RFC5: variants seen among roughly 807,000 people sequenced by gnomAD.
RFC5 encodes A1 36 kDa subunit.
Under a neutral mutation model 44.3 loss-of-function variants are expected in RFC5, and 26 were observed. The observed-to-expected ratio is 0.59, with a 90% CI of 0.43 to 0.81. The LOEUF is 0.81. RFC5 is among the 40% of genes least tolerant of loss of function. The pLI is 0.00. For synonymous variants in RFC5, 155 were observed against 155.2 expected, an observed-to-expected ratio of 1.00 and a Z score of 0.01; for missense variants, 328 against 418.6, an observed-to-expected ratio of 0.78 and a Z score of 1.89.
At chr12:118,038,026 T>G, downstream of RFC5, 1 of 338,346 alleles carries the variant, frequency 3.0e-6, no homozygotes. Context: ...GAAAAGAAAT[T>G]TAAAAAGCAA....
chr12:118,028,044 TCC>T lies in RFC5; in HGVS notation c.871+18_871+19del. 6.5e-7 allele frequency: 1 copy of T among 1,546,960 alleles called. No individual in the cohort carries two copies. Among genetic ancestry groups the T allele is most frequent in the Non-Finnish European group, 8.9e-7 (1 of 1,120,722 alleles). On this transcript the variant is annotated intron_variant, in intron 9 of 10. Coordinates refer to ENST00000454402, the MANE Select transcript of RFC5 (RefSeq NM_007370.7). ...TTGTGCATAGAGGTAACTTACATTA[TCC>T]CCCAGCTGAGAAGCTGTGGAGAAGG...
intron 4 of RFC5, among the ~76,000 whole-genome samples, chr12:118,021,694 C>T (rs1362155333): frequency 6.7e-6 from 1 of 149,618 alleles, no homozygotes; most frequent in South Asian, 2.1e-4. Flanking sequence ...CAGTGGCTCA[C>T]ACCTGTAATC....
Position 118,016,888 on chromosome 12 carries a change from C to G in RFC5, c.61C>G (p.Pro21Ala). ...CGCGGCGACCAAGATCAGGAACCTG[C>G]CCTGGTAGGAGGAGGCCGAGCGGCG... Reference protein sequence around the residue: ...QPAATKIRNLPWVEKYRPQTL... With the variant: ...QPAATKIRNLAWVEKYRPQTL... The change falls in exon 1 of 11, where the codon CCC becomes GCC. Residue 21 changes from proline (P) to alanine (A), a missense_variant. Pro to Ala is a conservative substitution (Grantham distance 27, BLOSUM62 -1). Coordinates refer to ENST00000454402, the MANE Select transcript of RFC5 (RefSeq NM_007370.7). 6.2e-7 allele frequency: 1 copy of G among 1,613,034 alleles called. No individual in the cohort carries two copies. The highest frequency in any genetic ancestry group is 8.5e-7 in the Non-Finnish European group (1 of 1,179,502).
the RFC5 span, chr12:118,038,478 G>C: frequency 8.3e-7 from 1 of 1,206,444 alleles, no homozygotes; most frequent in Non-Finnish European, 1.2e-6. Context: ...ACAGCCCCCA[G>C]CCCAGTATAC....
chr12:118,025,418 A>T (rs899954480), intron 6 of RFC5: 11 of 334,668 alleles, frequency 3.3e-5, no homozygotes, highest in Non-Finnish European at 6.0e-5. Context: ...CTTGTTGTGA[A>T]GGAGGAGTTT....
At chr12:118,024,739 G>A in intron 5 of RFC5, 112 bp from the exon 6 acceptor site, 1 of 860,764 alleles carries the variant, frequency 1.2e-6, no homozygotes, top group East Asian at 2.5e-5. Context: ...CTTGTTTGCA[G>A]TATTGAATCT....
intron 8 of RFC5, among the ~76,000 whole-genome samples, chr12:118,027,681 A>AG (rs1379475698): frequency 4.4e-4 from 65 of 147,778 alleles, no homozygotes; most frequent in African/African-American, 1.6e-3. Context: ...TAAAAAAAAA[A>AG]AAAAAGAAAG....
intron 8 of RFC5, chr12:118,027,289 A>G (rs1412752070): frequency 7.6e-6 from 3 of 395,450 alleles, no homozygotes; most frequent in Non-Finnish European, 1.4e-5. Flanking sequence ...CTTGGCATTG[A>G]AGATGCAGGA....
intron 10 of RFC5, 115 bp downstream of exon 10, chr12:118,029,940 A>G (rs2031207348): frequency 2.5e-6 from 2 of 786,648 alleles, no homozygotes; most frequent in South Asian, 2.9e-5. Context: ...CACATACGGT[A>G]CAATCTAGTC....
chr12:118,039,011 T>C, the RFC5 span, among the ~76,000 whole-genome samples: 265 of 152,334 alleles, frequency 1.7e-3, no homozygotes, highest in African/African-American at 6.0e-3. Flanking sequence ...GAGAATGTTC[T>C]TTTTAGGCTC....
Position 118,021,005 on chromosome 12 carries a change from T to C in RFC5, c.347+20T>C, listed in dbSNP as rs2137697376. The C allele has an allele frequency of 6.7e-7, 1 of 1,484,906 alleles. No individual in the cohort carries two copies. Among genetic ancestry groups the C allele is most frequent in the Non-Finnish European group, 9.4e-7 (1 of 1,063,946 alleles). The allele number at this position is 1,484,906 out of a possible 1,614,324, so 92.0% of individuals were successfully genotyped here. On this transcript the variant is annotated intron_variant, in intron 4 of 10. Coordinates refer to ENST00000454402, the MANE Select transcript of RFC5 (RefSeq NM_007370.7). ...ATTTAAGTAAGAATTATTTGTGTAA[T>C]TTCGCTCCCTTGATTTTGATTAGTA...
In RFC5 at chr12:118,031,466, G is replaced by T; in HGVS notation, c.*188G>T. 2.3e-6 allele frequency: 1 copy of T among 430,454 alleles called. No individual in the cohort carries two copies. Among genetic ancestry groups the T allele is most frequent in the Non-Finnish European group, 4.1e-6 (1 of 241,056 alleles). The allele number at this position is 430,454 out of a possible 1,614,324, so 26.7% of individuals were successfully genotyped here. A position where few individuals can be genotyped will look rare whatever the true frequency, so the allele number is the denominator to read the frequency against. ...CATTTTTGTGGTTGTTTGGAGCAGGGATGTACAAAATAATTTTAATGTATT... is the reference window on the plus strand; with the variant it reads ...CATTTTTGTGGTTGTTTGGAGCAGGTATGTACAAAATAATTTTAATGTATT... On this transcript the variant is annotated 3_prime_UTR_variant, in exon 11 of 11. Coordinates refer to ENST00000454402, the MANE Select transcript of RFC5 (RefSeq NM_007370.7).
chr12:118,017,972 TC>T (rs1404820084), intron 1 of RFC5: 5 of 695,136 alleles, frequency 7.2e-6, no homozygotes, highest in Non-Finnish European at 1.3e-5. Flanking sequence ...TGACAGTTAC[TC>T]CCCATTCTCC....
At chr12:118,022,712 G>T (rs930632090) in intron 5 of RFC5, among the ~76,000 whole-genome samples, 2 of 152,092 alleles carry the variant, frequency 1.3e-5, no homozygotes, top group African/African-American at 4.8e-5. Flanking sequence ...TGATCCGCCC[G>T]CCTCGGCTTC....
At position 118,031,214 on chromosome 12, in the gene RFC5, T is replaced by A. The variant is rs1477022581; in HGVS notation, c.959T>A (p.Ile320Asn). 5.6e-6 allele frequency: 9 copies of A among 1,613,940 alleles called. No individual in the cohort carries two copies. The highest frequency in any genetic ancestry group is 4.4e-5 in the South Asian group (4 of 91,058). Residue 320 changes from isoleucine to asparagine, a missense_variant, in exon 11 of 11, where the codon ATC (isoleucine) becomes AAC (asparagine). Coordinates refer to ENST00000454402, the MANE Select transcript of RFC5 (RefSeq NM_007370.7). ...CTTTCTGTTGGCACCAACGAGAAGA[T>A]CCAGCTGAGCTCCCTCATTGCTGCA... ...YRLSVGTNEK[I>N]QLSSLIAAFQ...
At chr12:118,021,965 G>A (rs750879573) in intron 4 of RFC5, among the ~76,000 whole-genome samples, 13 of 152,034 alleles carry the variant, frequency 8.6e-5, no homozygotes, top group Non-Finnish European at 1.3e-4. Flanking sequence ...CTCAAAAAAA[G>A]CAAAAGGGTG....
At chr12:118,026,713 T>A (rs114185171) in intron 7 of RFC5, among the ~76,000 whole-genome samples, 176 bp from the exon 8 acceptor site, 1 of 152,232 alleles carries the variant, frequency 6.6e-6, no homozygotes, top group Non-Finnish European at 1.5e-5. Flanking sequence ...GGCTGTGGCA[T>A]CCTCTGATGA....
the RFC5 span, chr12:118,038,132 G>T: frequency 1.7e-6 from 1 of 580,784 alleles, no homozygotes; most frequent in Non-Finnish European, 2.9e-6. Flanking sequence ...TAAAGTGCAA[G>T]TCACAAGGGA....
At chr12:118,023,234 G>A (rs994787504) in intron 5 of RFC5, among the ~76,000 whole-genome samples, 1 of 151,502 alleles carries the variant, frequency 6.6e-6, no homozygotes. Context: ...AGCACCCTGC[G>A]ATTTGTCTGT....
Sources: gnomAD v4.1 joint callset for allele counts (sites outside exome capture counted in the v4.1 genomes callset) on GRCh38, gnomAD v4.1.1 for gene constraint, MANE v1.5 for transcripts, NCBI Gene and HGNC (gene_info 2026-07-23, HGNC 2026-07-21) for gene names.